Variants in MACROD2 observed in about 807,000 individuals in gnomAD.
MACROD2 encodes mono-ADP ribosylhydrolase 2.
A neutral mutation model predicts 70.4 loss-of-function variants in MACROD2; 36 were observed. The ratio of observed to expected loss-of-function variants is 0.51; its 90% CI spans 0.39 to 0.68. MACROD2 has a LOEUF of 0.68. Among genes scored for constraint, MACROD2 ranks in the 30% least tolerant of loss-of-function variants. The pLI, the probability that MACROD2 is intolerant of heterozygous loss-of-function variation, is 0.00. For missense variants in MACROD2, 496 were observed against 538.4 expected, an observed-to-expected ratio of 0.92 and a Z score of 0.78; for synonymous variants, 172 against 178.8, an observed-to-expected ratio of 0.96 and a Z score of 0.30.
At chr20:14,204,878 T>G (rs1307998553) in intron 3 of MACROD2, among the ~76,000 whole-genome samples, 1 of 152,040 alleles carries the variant, frequency 6.6e-6, no homozygotes, top group Non-Finnish European at 1.5e-5. Context: ...TTATTATCAT[T>G]TTTTAAAGAA....
intron 3 of MACROD2, among the ~76,000 whole-genome samples, chr20:14,153,687 A>G (rs2055055291): frequency 6.6e-6 from 1 of 152,238 alleles, no homozygotes; most frequent in Non-Finnish European, 1.5e-5. Flanking sequence ...AAGATGTGAT[A>G]TATATGTTCT....
intron 3 of MACROD2, among the ~76,000 whole-genome samples, chr20:14,140,957 A>G (rs1163859519): frequency 2.0e-5 from 3 of 152,208 alleles, no homozygotes; most frequent in African/African-American, 7.2e-5. Context: ...GAAGTTGATC[A>G]TATTAGAGAG....
chr20:14,808,644 T>A (rs1244059905), intron 5 of MACROD2, among the ~76,000 whole-genome samples: 2 of 151,640 alleles, frequency 1.3e-5, no homozygotes, highest in Non-Finnish European at 2.9e-5. Context: ...ACTAGCAAAT[T>A]GGATAAAGAG....
intron 3 of MACROD2, among the ~76,000 whole-genome samples, chr20:14,201,186 A>T (rs1469720754): frequency 6.6e-6 from 1 of 152,182 alleles, no homozygotes; most frequent in Non-Finnish European, 1.5e-5. Context: ...GGCATCAGTT[A>T]TGTATCAGAA....
chr20:15,820,312 C>G (rs1427069456), intron 8 of MACROD2, among the ~76,000 whole-genome samples: 5 of 152,020 alleles, frequency 3.3e-5, no homozygotes, highest in African/African-American at 4.8e-5. Flanking sequence ...CGCCTCAGCC[C>G]CTTGAGTATT....
At chr20:14,762,710 G>A (rs763459331) in intron 5 of MACROD2, among the ~76,000 whole-genome samples, 39 of 151,984 alleles carry the variant, frequency 2.6e-4, no homozygotes, top group Non-Finnish European at 5.4e-4. Context: ...TGGGTAGATT[G>A]CTTGAGGCCA....
intron 12 of MACROD2, among the ~76,000 whole-genome samples, chr20:15,952,901 C>T (rs1212906878): frequency 6.6e-6 from 1 of 152,150 alleles, no homozygotes; most frequent in Admixed American, 6.5e-5. Flanking sequence ...CCTGAATGCA[C>T]CTGATCTAGT....
chr20:15,937,657 T>G, intron 12 of MACROD2, 113 bp downstream of exon 12: 2 of 902,666 alleles, frequency 2.2e-6, no homozygotes, highest in Non-Finnish European at 3.5e-6. Flanking sequence ...TTTTCTTAAG[T>G]GTCTCTGTTT....
chr20:14,855,293 G>A (rs1384446559), intron 5 of MACROD2, among the ~76,000 whole-genome samples: 5 of 152,100 alleles, frequency 3.3e-5, no homozygotes, highest in Non-Finnish European at 5.9e-5. Flanking sequence ...GGAACTGGCT[G>A]TCTTCATTAA....
At chr20:15,200,924 A>G (rs2076650505) in intron 5 of MACROD2, among the ~76,000 whole-genome samples, 2 of 152,178 alleles carry the variant, frequency 1.3e-5, no homozygotes, top group South Asian at 4.1e-4. Flanking sequence ...GAAGCAAATT[A>G]TCAACTGGGA....
chr20:15,060,845 C>A (rs1280041298), intron 5 of MACROD2, among the ~76,000 whole-genome samples: 1 of 152,166 alleles, frequency 6.6e-6, no homozygotes, highest in African/African-American at 2.4e-5. Flanking sequence ...TAGCAGTATA[C>A]CCATGAGTAA....
At chr20:14,136,256 TTAAATA>T (rs891268327) in intron 3 of MACROD2, among the ~76,000 whole-genome samples, 3 of 152,120 alleles carry the variant, frequency 2.0e-5, no homozygotes, top group African/African-American at 7.2e-5. Flanking sequence ...GATCGTAGAC[TTAAATA>T]TAAGCACAAA....
At chr20:14,088,990 C>T (rs1363875009) in intron 3 of MACROD2, among the ~76,000 whole-genome samples, 1 of 152,142 alleles carries the variant, frequency 6.6e-6, no homozygotes, top group Admixed American at 6.5e-5. Context: ...TACCTCATCA[C>T]TATTTTGTTC....
At chr20:15,184,174 C>T (rs544563740) in intron 5 of MACROD2, among the ~76,000 whole-genome samples, 1 of 152,226 alleles carries the variant, frequency 6.6e-6, no homozygotes, top group East Asian at 1.9e-4. Flanking sequence ...ATATAACATC[C>T]AAAGGAATAG....
chr20:15,612,471 G>T (rs1207643336), intron 8 of MACROD2, among the ~76,000 whole-genome samples: 1 of 152,194 alleles, frequency 6.6e-6, no homozygotes, highest in Non-Finnish European at 1.5e-5. Flanking sequence ...GATTGATTAA[G>T]GCTGAGACTA....
At chr20:14,352,324 C>G (rs1377155687) in intron 3 of MACROD2, 1 of 152,096 alleles carries the variant, frequency 6.6e-6, no homozygotes, top group Non-Finnish European at 1.5e-5. Flanking sequence ...ATACTCGTCT[C>G]GCTTCGGCAG....
chr20:14,579,175 C>T (rs368868757), intron 4 of MACROD2, among the ~76,000 whole-genome samples: 30 of 141,076 alleles, frequency 2.1e-4, no homozygotes, highest in African/African-American at 7.7e-4. Flanking sequence ...CGCTCTGTCG[C>T]CCAGGCCGGA....
At chr20:14,408,016 TGCCAC>T (rs1255496552) in intron 3 of MACROD2, among the ~76,000 whole-genome samples, 2 of 152,170 alleles carry the variant, frequency 1.3e-5, no homozygotes, top group Non-Finnish European at 1.5e-5. Flanking sequence ...TGGGTTCAAA[TGCCAC>T]CTTTGGCATT....
At chr20:15,776,059 G>A (rs1015513888) in intron 8 of MACROD2, among the ~76,000 whole-genome samples, 1 of 152,162 alleles carries the variant, frequency 6.6e-6, no homozygotes, top group African/African-American at 2.4e-5. Context: ...CATTTTCACA[G>A]TATTTTAAAA....
Sources: gnomAD v4.1 joint callset for allele counts (sites outside exome capture counted in the v4.1 genomes callset) on GRCh38, gnomAD v4.1.1 for gene constraint, MANE v1.5 for transcripts, NCBI Gene and HGNC (gene_info 2026-07-23, HGNC 2026-07-21) for gene names.